ARID2: variants seen among roughly 807,000 people sequenced by gnomAD.
ARID2 encodes AT-rich interactive domain-containing protein 2.
ARID2 carries 32 observed loss-of-function variants against 184.6 expected under a neutral mutation model. The ratio of observed to expected loss-of-function variants is 0.17; its 90% CI spans 0.13 to 0.23. The LOEUF (loss-of-function observed/expected upper bound fraction) is 0.23, where lower values mean the gene tolerates loss of function less well. Among genes scored for constraint, ARID2 ranks in the 10% least tolerant of loss-of-function variants. The pLI, the probability that ARID2 is intolerant of heterozygous loss-of-function variation, is 1.00. For synonymous variants in ARID2, 836 were observed against 772.6 expected (o/e 1.08, Z -1.36); for missense variants, 1,696 against 2,197.6 (o/e 0.77, Z 4.56).
At chr12:45,891,961 G>A (rs376607960) in intron 17 of ARID2, 43 bp downstream of exon 17, 1 of 1,613,994 alleles carries the variant, frequency 6.2e-7, no homozygotes, top group Non-Finnish European at 8.5e-7. Context: ...TCATTTGACT[G>A]CATTAAAGAT....
chr12:45,859,334 C>T (rs985279410), intron 15 of ARID2, among the ~76,000 whole-genome samples: 1 of 152,120 alleles, frequency 6.6e-6, no homozygotes, highest in Non-Finnish European at 1.5e-5. Flanking sequence ...TAGGCTATTC[C>T]ATATAGCCTA....
Position 45,837,304 on chromosome 12 carries a change from G to A in ARID2, c.1024-17G>A, listed in dbSNP as rs377657394. 13 of 1,573,050 alleles carry A rather than the reference G, an allele frequency of 8.3e-6. 1 individual carries two copies. In the African/African-American group the frequency reaches 1.8e-4, roughly 22 times the overall value. ...GGAAGAAGCATAGCTCAATAATAGT[G>A]TTGTTTCTTTTTCCAGCTTTTACTG... On this transcript the variant is annotated splice_polypyrimidine_tract_variant and intron_variant, in intron 8 of 20. Transcript: ENST00000334344.
intron 2 of ARID2, among the ~76,000 whole-genome samples, chr12:45,730,628 A>G (rs1366477575): frequency 6.6e-6 from 1 of 152,026 alleles, no homozygotes; most frequent in African/African-American, 2.4e-5. Flanking sequence ...CGGCTGCGAA[A>G]TAATCCCGGC....
intron 3 of ARID2, among the ~76,000 whole-genome samples, chr12:45,731,757 G>A (rs956164629): frequency 6.6e-6 from 1 of 150,880 alleles, no homozygotes; most frequent in African/African-American, 2.4e-5. Context: ...GAAACTTCTT[G>A]TTTGGAACAG....
chr12:45,865,352 C>T (rs1231305935), intron 16 of ARID2, among the ~76,000 whole-genome samples: 1 of 152,076 alleles, frequency 6.6e-6, no homozygotes. Flanking sequence ...TGTGGTATAA[C>T]TTGAAAAGGT....
intron 12 of ARID2, among the ~76,000 whole-genome samples, chr12:45,847,613 A>T (rs1372949870): frequency 6.6e-6 from 1 of 152,086 alleles, no homozygotes; most frequent in Non-Finnish European, 1.5e-5. Flanking sequence ...TGAATTACAC[A>T]ATCACTTTCC....
chr12:45,748,120 T>C (rs141969148), intron 3 of ARID2, among the ~76,000 whole-genome samples: 1 of 152,266 alleles, frequency 6.6e-6, no homozygotes, highest in South Asian at 2.1e-4. Context: ...CCCAGCACTT[T>C]GTGAGGCTGA....
At chr12:45,740,003 A>G (rs758290268) in intron 3 of ARID2, among the ~76,000 whole-genome samples, 1 of 152,236 alleles carries the variant, frequency 6.6e-6, no homozygotes, top group Admixed American at 6.5e-5. Context: ...ATCAGACCAC[A>G]TAGAACTTCA....
At chr12:45,813,458 TAAA>T (rs56373880) in intron 4 of ARID2, among the ~76,000 whole-genome samples, 1 of 138,288 alleles carries the variant, frequency 7.2e-6, no homozygotes, top group African/African-American at 2.6e-5. Flanking sequence ...GCATGTGTTC[TAAA>T]AAAAAAAAAA....
chr12:45,898,348 G>GAT (rs1944397884), intron 20 of ARID2, among the ~76,000 whole-genome samples: 1 of 152,164 alleles, frequency 6.6e-6, no homozygotes, highest in South Asian at 2.1e-4. Context: ...AAGTTGTGGA[G>GAT]ATGGATAGTG....
At chr12:45,824,369 G>T (rs911999768) in intron 6 of ARID2, among the ~76,000 whole-genome samples, 1 of 152,086 alleles carries the variant, frequency 6.6e-6, no homozygotes, top group African/African-American at 2.4e-5. Context: ...ACTGAAATAA[G>T]ATGAGGACAC....
At chr12:45,805,806 T>C (rs1863127) in intron 3 of ARID2, among the ~76,000 whole-genome samples, 93,877 of 151,948 alleles carry the variant, frequency 0.62, 31,010 homozygotes, top group African/African-American at 0.87. Context: ...ATAAAGTATA[T>C]AATTCAGTAT....
chr12:45,901,094 CTT>C (rs781575732), intron 20 of ARID2, among the ~76,000 whole-genome samples: 3 of 118,670 alleles, frequency 2.5e-5, no homozygotes, highest in Non-Finnish European at 5.4e-5. Flanking sequence ...GTTTCTTTTT[CTT>C]TTCTCTTTTA....
chr12:45,875,663 G>T (rs781114724), intron 16 of ARID2, among the ~76,000 whole-genome samples: 1 of 152,186 alleles, frequency 6.6e-6, no homozygotes, highest in African/African-American at 2.4e-5. Flanking sequence ...AGGTCTTCTG[G>T]ATAACGTGCT....
chr12:45,876,629 G>A (rs891869095), intron 16 of ARID2, among the ~76,000 whole-genome samples: 3 of 150,174 alleles, frequency 2.0e-5, no homozygotes, highest in African/African-American at 7.3e-5. Context: ...GTGACATCAA[G>A]ATCACTGATC....
intron 20 of ARID2, among the ~76,000 whole-genome samples, chr12:45,894,171 G>A (rs1209917913): frequency 6.6e-6 from 1 of 152,140 alleles, no homozygotes; most frequent in Non-Finnish European, 1.5e-5. Context: ...CTTTCCAATG[G>A]ATTTAAGCAA....
At chr12:45,816,154 C>T (rs1382392131) in intron 4 of ARID2, among the ~76,000 whole-genome samples, 5 of 152,202 alleles carry the variant, frequency 3.3e-5, no homozygotes, top group African/African-American at 1.2e-4. Context: ...TATATAGTAT[C>T]TTAGTGTTCT....
chr12:45,807,534 A>G (rs909832921), intron 3 of ARID2, among the ~76,000 whole-genome samples: 5 of 152,160 alleles, frequency 3.3e-5, no homozygotes, highest in Admixed American at 2.6e-4. Flanking sequence ...CCATAAATTG[A>G]TATCTATTGA....
Position 45,905,615 on chromosome 12 carries a change from G to T in ARID2, c.*537G>T. The T allele has an allele frequency of 8.6e-6, 2 of 233,114 alleles. No homozygotes were observed. Among genetic ancestry groups the T allele is most frequent in the Non-Finnish European group, 8.5e-6 (1 of 117,770 alleles). The allele number at this position is 233,114 out of a possible 1,614,324, so 14.4% of individuals were successfully genotyped here. A position where few individuals can be genotyped will look rare whatever the true frequency, so the allele number is the denominator to read the frequency against. On this transcript the variant is annotated 3_prime_UTR_variant, in exon 21 of 21. Transcript: ENST00000334344. ...CGTGTGTTTTGTTTAGAAATCAGTAGCTTGGTTTTCTTACTTGAGCCAATA... is the reference window on the plus strand; with the variant it reads ...CGTGTGTTTTGTTTAGAAATCAGTATCTTGGTTTTCTTACTTGAGCCAATA...
Sources: gnomAD v4.1 joint callset for allele counts (sites outside exome capture counted in the v4.1 genomes callset) on GRCh38, gnomAD v4.1.1 for gene constraint, MANE v1.5 for transcripts, NCBI Gene and HGNC (gene_info 2026-07-23, HGNC 2026-07-21) for gene names.